MYO5B: variants seen among roughly 807,000 people sequenced by gnomAD.
The protein encoded by MYO5B is myosin VB, also known as unconventional myosin-Vb.
In MYO5B, 143 loss-of-function variants were observed where a neutral mutation model predicts 229.3. That is an observed-to-expected ratio of 0.62 (90% CI 0.54 to 0.72). MYO5B has a LOEUF of 0.72. MYO5B is among the 30% of genes least tolerant of loss of function. The pLI is 0.00. For missense variants in MYO5B, 2,321 were observed against 2,331.0 expected (o/e 1.00, Z 0.09); for synonymous variants, 918 against 885.2 (o/e 1.04, Z -0.66).
At chr18:49,941,328 A>G (rs1298343810) in intron 14 of MYO5B, among the ~76,000 whole-genome samples, 1 of 152,220 alleles carries the variant, frequency 6.6e-6, no homozygotes, top group African/African-American at 2.4e-5. Flanking sequence ...TGAGCAGCCC[A>G]AGCCCATTCT....
chr18:50,009,627 G>A (rs758160344), intron 4 of MYO5B, among the ~76,000 whole-genome samples: 2 of 152,210 alleles, frequency 1.3e-5, no homozygotes, highest in African/African-American at 2.4e-5. Context: ...TAGCAGTCAA[G>A]TCAGGTGAGA....
At chr18:49,954,510 G>C in intron 12 of MYO5B, 75 bp from the exon 13 acceptor site, 1 of 1,587,370 alleles carries the variant, frequency 6.3e-7, no homozygotes. Flanking sequence ...CAGAGGGATG[G>C]GACCAGTAGG....
chr18:50,193,057 T>C (rs777530518), intron 1 of MYO5B, among the ~76,000 whole-genome samples: 6 of 152,254 alleles, frequency 3.9e-5, no homozygotes, highest in Non-Finnish European at 8.8e-5. Flanking sequence ...CACTTTAATG[T>C]AACAAAGCTT....
intron 17 of MYO5B, among the ~76,000 whole-genome samples, chr18:49,916,023 T>A (rs557618047): frequency 6.6e-6 from 1 of 152,348 alleles, no homozygotes; most frequent in African/African-American, 2.4e-5. Flanking sequence ...TCGGCTTTGC[T>A]GACCCACCCG....
chr18:50,083,492 A>G (rs1456664468), intron 1 of MYO5B, among the ~76,000 whole-genome samples: 1 of 152,202 alleles, frequency 6.6e-6, no homozygotes, highest in Non-Finnish European at 1.5e-5. Flanking sequence ...AGACACTTTT[A>G]TCACTCCAGA....
intron 17 of MYO5B, among the ~76,000 whole-genome samples, chr18:49,917,593 G>A (rs1018212453): frequency 1.3e-5 from 2 of 152,098 alleles, no homozygotes; most frequent in South Asian, 2.1e-4. Context: ...TTCCCCACTC[G>A]GTGTGACTCT....
intron 29 of MYO5B, among the ~76,000 whole-genome samples, chr18:49,860,882 C>T (rs867157207): frequency 5.3e-5 from 8 of 152,352 alleles, no homozygotes; most frequent in Middle Eastern, 3.4e-3. Flanking sequence ...CTCCAAAGCA[C>T]CCCAGTTGCC....
At chr18:49,957,604 C>T (rs2025508921) in intron 12 of MYO5B, among the ~76,000 whole-genome samples, 1 of 150,566 alleles carries the variant, frequency 6.6e-6, no homozygotes, top group South Asian at 2.1e-4. Flanking sequence ...GCTGTGATGA[C>T]ACCACTGTAC....
intron 4 of MYO5B, among the ~76,000 whole-genome samples, chr18:50,019,080 G>GT (rs1285119192): frequency 1.3e-5 from 2 of 152,140 alleles, no homozygotes; most frequent in Admixed American, 1.3e-4. Flanking sequence ...CGGGAGGCAA[G>GT]ACAGCAAATC....
intron 4 of MYO5B, among the ~76,000 whole-genome samples, chr18:50,034,508 C>T (rs1211805663): frequency 6.6e-6 from 1 of 152,184 alleles, no homozygotes; most frequent in East Asian, 1.9e-4. Flanking sequence ...TTTTGAGAGG[C>T]AGAGGCGGGT....
intron 1 of MYO5B, among the ~76,000 whole-genome samples, chr18:50,070,669 G>A (rs1185346025): frequency 6.6e-6 from 1 of 152,006 alleles, no homozygotes; most frequent in African/African-American, 2.4e-5. Context: ...CATCCTGCAC[G>A]ATACCATTCC....
intron 32 of MYO5B, 80 bp from the exon 33 acceptor site, chr18:49,847,369 G>A (rs1272355025): frequency 5.6e-5 from 87 of 1,541,688 alleles, no homozygotes; most frequent in Non-Finnish European, 7.5e-5. Context: ...CTGGCGGGTG[G>A]AGGATGGGAC....
chr18:49,931,303 A>G (rs1038788305), intron 16 of MYO5B, among the ~76,000 whole-genome samples: 3 of 151,962 alleles, frequency 2.0e-5, no homozygotes, highest in Non-Finnish European at 4.4e-5. Context: ...ATCCCATGAG[A>G]CACCCACACT....
At chr18:50,058,250 G>C (rs2030600272) in intron 1 of MYO5B, among the ~76,000 whole-genome samples, 1 of 152,084 alleles carries the variant, frequency 6.6e-6, no homozygotes, top group Non-Finnish European at 1.5e-5. Context: ...TAGATCATTT[G>C]AGGATAGGAG....
At chr18:49,933,435 C>A (rs1169476063) in intron 16 of MYO5B, among the ~76,000 whole-genome samples, 1 of 152,192 alleles carries the variant, frequency 6.6e-6, no homozygotes, top group Non-Finnish European at 1.5e-5. Flanking sequence ...CCTGTCCTAG[C>A]CCAGTGCCTA....
intron 1 of MYO5B, among the ~76,000 whole-genome samples, chr18:50,180,220 C>T (rs554171399): frequency 2.3e-4 from 35 of 152,292 alleles, no homozygotes; most frequent in Middle Eastern, 6.8e-3. Context: ...GAGCTCCCTT[C>T]CCAGCCACTC....
chr18:49,922,193 T>C (rs1177542970), intron 17 of MYO5B, among the ~76,000 whole-genome samples: 1 of 152,248 alleles, frequency 6.6e-6, no homozygotes, highest in East Asian at 1.9e-4. Context: ...TTTCCTTCAG[T>C]AGCTAACACC....
At chr18:50,108,637 C>T (rs2031806826) in intron 1 of MYO5B, among the ~76,000 whole-genome samples, 1 of 152,132 alleles carries the variant, frequency 6.6e-6, no homozygotes, top group Admixed American at 6.5e-5. Context: ...TGCAGATGGA[C>T]CCCCGACAAA....
chr18:49,982,219 C>T (rs2025823601), intron 8 of MYO5B, among the ~76,000 whole-genome samples: 2 of 152,070 alleles, frequency 1.3e-5, no homozygotes, highest in South Asian at 4.2e-4. Flanking sequence ...AGGTGTGTGC[C>T]AACATGGCCA....
Sources: gnomAD v4.1 joint callset for allele counts (sites outside exome capture counted in the v4.1 genomes callset) on GRCh38, gnomAD v4.1.1 for gene constraint, MANE v1.5 for transcripts, NCBI Gene and HGNC (gene_info 2026-07-23, HGNC 2026-07-21) for gene names.